Variants in SRGAP3 observed in about 807,000 individuals in gnomAD.
SRGAP3 encodes SLIT-ROBO Rho GTPase-activating protein 3.
In SRGAP3, 39 loss-of-function variants were observed where a neutral mutation model predicts 121.1. That is an observed-to-expected ratio of 0.32 (90% CI 0.25 to 0.42). The LOEUF (loss-of-function observed/expected upper bound fraction) is 0.42. Among genes scored for constraint, SRGAP3 ranks in the 10% least tolerant of loss-of-function variants. The pLI, the probability that SRGAP3 is intolerant of heterozygous loss-of-function variation, is 1.00. For missense variants in SRGAP3, 1,213 were observed against 1,470.6 expected, an observed-to-expected ratio of 0.82 and a Z score of 2.86; for synonymous variants, 601 against 570.0, an observed-to-expected ratio of 1.05 and a Z score of -0.77.
chr3:9,325,228 T>G (rs1335003694), intron 3 of SRGAP3, among the ~76,000 whole-genome samples: 1 of 151,864 alleles, frequency 6.6e-6, no homozygotes, highest in Non-Finnish European at 1.5e-5. Context: ...GCTATTGTTA[T>G]GACTATCGGG....
At chr3:9,229,848 C>A (rs1290728249) in intron 1 of SRGAP3, among the ~76,000 whole-genome samples, 1 of 152,222 alleles carries the variant, frequency 6.6e-6, no homozygotes, top group South Asian at 2.1e-4. Flanking sequence ...TCCTGCTAAG[C>A]GCTCTGCTTC....
chr3:9,101,002 C>T (rs1446915754), intron 3 of SRGAP3, among the ~76,000 whole-genome samples: 1 of 152,220 alleles, frequency 6.6e-6, no homozygotes, highest in Non-Finnish European at 1.5e-5. Context: ...TGCCTTCAAG[C>T]AACTGACAGG....
At chr3:9,291,637 C>T (rs1474810473) in intron 3 of SRGAP3, among the ~76,000 whole-genome samples, 2 of 150,624 alleles carry the variant, frequency 1.3e-5, no homozygotes, top group Non-Finnish European at 3.0e-5. Flanking sequence ...CACACACACG[C>T]ACACACATTT....
intron 18 of SRGAP3, among the ~76,000 whole-genome samples, chr3:9,003,069 C>T (rs915986454): frequency 6.6e-5 from 10 of 152,140 alleles, no homozygotes; most frequent in African/African-American, 1.9e-4. Context: ...GGGAACACTG[C>T]TCAACTAATT....
intron 3 of SRGAP3, among the ~76,000 whole-genome samples, chr3:9,268,999 A>G (rs1196866126): frequency 6.6e-6 from 1 of 152,154 alleles, no homozygotes; most frequent in Non-Finnish European, 1.5e-5. Context: ...CACAGAGTGG[A>G]AAGACGGCAG....
At chr3:9,131,069 T>C (rs944286325) in intron 1 of SRGAP3, among the ~76,000 whole-genome samples, 2 of 152,232 alleles carry the variant, frequency 1.3e-5, no homozygotes, top group Non-Finnish European at 2.9e-5. Context: ...GGCATTTGAT[T>C]ACCCATCTCA....
At chr3:9,093,697 T>C (rs1020215906) in intron 3 of SRGAP3, among the ~76,000 whole-genome samples, 3 of 152,328 alleles carry the variant, frequency 2.0e-5, no homozygotes, top group Non-Finnish European at 2.9e-5. Flanking sequence ...CAAGTGTATA[T>C]GTATAATAAC....
chr3:9,038,395 G>A (rs1176298111), intron 10 of SRGAP3, among the ~76,000 whole-genome samples: 1 of 152,202 alleles, frequency 6.6e-6, no homozygotes, highest in Non-Finnish European at 1.5e-5. Context: ...TAAAGATGCA[G>A]ATTTCTTGGC....
chr3:9,003,197 C>T (rs1046977081), intron 18 of SRGAP3, among the ~76,000 whole-genome samples: 7 of 152,104 alleles, frequency 4.6e-5, no homozygotes, highest in Admixed American at 3.9e-4. Context: ...CCAGCAAACC[C>T]GGCCAGGCAC....
intron 1 of SRGAP3, among the ~76,000 whole-genome samples, chr3:9,359,479 G>A (rs1299919721): frequency 6.6e-6 from 1 of 152,182 alleles, no homozygotes; most frequent in Non-Finnish European, 1.5e-5. Context: ...CCATGCTCAT[G>A]ATTGAGGCAT....
At chr3:9,266,592 C>T (rs1056449355) in intron 3 of SRGAP3, among the ~76,000 whole-genome samples, 4 of 152,106 alleles carry the variant, frequency 2.6e-5, no homozygotes, top group Non-Finnish European at 5.9e-5. Flanking sequence ...TCTCTCGGCT[C>T]CACTCCCCAC....
chr3:9,326,896 T>A (rs747119375), intron 2 of SRGAP3, among the ~76,000 whole-genome samples: 3 of 151,876 alleles, frequency 2.0e-5, no homozygotes, highest in Admixed American at 1.3e-4. Flanking sequence ...ATTAGTCTGA[T>A]ACAGAGGAGA....
chr3:9,063,767 A>G (rs1348153969), intron 5 of SRGAP3, among the ~76,000 whole-genome samples: 1 of 152,224 alleles, frequency 6.6e-6, no homozygotes, highest in African/African-American at 2.4e-5. Flanking sequence ...TGAAAACTGC[A>G]GCTCAGAGAG....
intron 1 of SRGAP3, among the ~76,000 whole-genome samples, chr3:9,227,389 T>C (rs147185047): frequency 1.1e-4 from 16 of 152,332 alleles, no homozygotes; most frequent in African/African-American, 3.8e-4. Flanking sequence ...CAGAGCGCAC[T>C]TATTGAGTGT....
At chr3:9,078,467 T>C (rs1044137515) in intron 4 of SRGAP3, among the ~76,000 whole-genome samples, 1 of 152,100 alleles carries the variant, frequency 6.6e-6, no homozygotes, top group Non-Finnish European at 1.5e-5. Context: ...CCCCCCACCG[T>C]GAGTATGTAC....
chr3:9,041,445 T>C (rs1303754471), intron 10 of SRGAP3, among the ~76,000 whole-genome samples: 3 of 152,212 alleles, frequency 2.0e-5, no homozygotes, highest in Non-Finnish European at 4.4e-5. Context: ...AATGAAGAGA[T>C]TAAATAATAT....
intron 12 of SRGAP3, among the ~76,000 whole-genome samples, chr3:9,028,989 T>A (rs1446083920): frequency 6.6e-6 from 1 of 152,092 alleles, no homozygotes; most frequent in Non-Finnish European, 1.5e-5. Flanking sequence ...ATCTCTGGGG[T>A]GAGCACTTGT....
At chr3:9,352,368 G>C (rs2030227296) in intron 1 of SRGAP3, among the ~76,000 whole-genome samples, 1 of 148,226 alleles carries the variant, frequency 6.7e-6, no homozygotes, top group African/African-American at 2.5e-5. Context: ...CCACCTCCCA[G>C]CTTCAAGTGA....
intron 1 of SRGAP3, among the ~76,000 whole-genome samples, chr3:9,238,423 G>A (rs1022693965): frequency 1.3e-5 from 2 of 152,108 alleles, no homozygotes; most frequent in Non-Finnish European, 2.9e-5. Flanking sequence ...GAGAAAGAAC[G>A]TGAGATTTAT....
Sources: allele counts gnomAD v4.1 joint callset (sites outside exome capture counted in the v4.1 genomes callset), GRCh38; gene constraint gnomAD v4.1.1; transcripts MANE v1.5; gene names NCBI Gene and HGNC (gene_info 2026-07-23, HGNC 2026-07-21).